GPC5: variants seen among roughly 807,000 people sequenced by gnomAD.
GPC5 encodes the protein glypican 5.
GPC5 carries 47 observed loss-of-function variants against 53.9 expected under a neutral mutation model. That is an observed-to-expected ratio of 0.87 (90% CI 0.69 to 1.11). The LOEUF (loss-of-function observed/expected upper bound fraction) is 1.11, where lower values mean the gene tolerates loss of function less well. Ranked by LOEUF, GPC5 falls within the 50% of genes most tolerant of loss-of-function variation. The pLI is 0.00. For synonymous variants in GPC5, 286 were observed against 263.3 expected (o/e 1.09, Z -0.84); for missense variants, 748 against 713.1 (o/e 1.05, Z -0.56).
intron 3 of GPC5, among the ~76,000 whole-genome samples, chr13:91,700,782 A>G (rs559488675): frequency 6.6e-6 from 1 of 152,348 alleles, no homozygotes; most frequent in South Asian, 2.1e-4. Context: ...ATTACGTGTC[A>G]AATGTGCATT....
intron 7 of GPC5, chr13:92,240,434 C>G (rs1285088708): frequency 6.6e-6 from 1 of 152,072 alleles, no homozygotes; most frequent in African/African-American, 2.4e-5. Flanking sequence ...TATCTCTACT[C>G]ATCACAGTTA....
intron 4 of GPC5, among the ~76,000 whole-genome samples, chr13:91,741,918 G>A (rs537032839): frequency 6.6e-6 from 1 of 152,264 alleles, no homozygotes; most frequent in African/African-American, 2.4e-5. Context: ...CCTCGTAAGT[G>A]AAAGTTAGTG....
chr13:92,073,038 TC>T (rs1294481683), intron 6 of GPC5, among the ~76,000 whole-genome samples: 1 of 106,702 alleles, frequency 9.4e-6, no homozygotes, highest in Non-Finnish European at 2.1e-5. Context: ...TAAACCTACC[TC>T]TTTTTCATGA....
chr13:92,406,920 GC>G (rs1220009176), intron 7 of GPC5, among the ~76,000 whole-genome samples: 2 of 152,022 alleles, frequency 1.3e-5, no homozygotes, highest in Admixed American at 6.6e-5. Context: ...CAATTTACTG[GC>G]CATTATTCAT....
chr13:91,936,307 G>C (rs1233319103), intron 6 of GPC5, among the ~76,000 whole-genome samples: 1 of 151,968 alleles, frequency 6.6e-6, no homozygotes, highest in African/African-American at 2.4e-5. Context: ...TCTTCATTCA[G>C]GTAGTGGGTA....
At chr13:92,589,661 A>G (rs1203120292) in intron 7 of GPC5, among the ~76,000 whole-genome samples, 1 of 152,198 alleles carries the variant, frequency 6.6e-6, no homozygotes, top group East Asian at 1.9e-4. Context: ...CAAATTCCAT[A>G]AACAGTTTCA....
intron 2 of GPC5, among the ~76,000 whole-genome samples, chr13:91,661,261 C>T (rs1010039690): frequency 2.6e-5 from 4 of 152,172 alleles, no homozygotes; most frequent in Non-Finnish European, 5.9e-5. Context: ...ACTTTGCTGG[C>T]TGTTGGAATG....
At chr13:91,644,773 C>T (rs1216215776) in intron 2 of GPC5, among the ~76,000 whole-genome samples, 1 of 152,088 alleles carries the variant, frequency 6.6e-6, no homozygotes, top group Non-Finnish European at 1.5e-5. Context: ...AAAAATAACA[C>T]CCAGTATACC....
chr13:91,882,670 G>GTTTTTTTTTTTTTTTTTTTTT, intron 5 of GPC5, among the ~76,000 whole-genome samples: 30 of 59,306 alleles, frequency 5.1e-4, no homozygotes, highest in Admixed American at 6.2e-4. Context: ...TGTTTTTTGG[G>GTTTTTTTTTTTTTTTTTTTTT]TTTTTTTTTT....
chr13:92,166,952 T>TCACA (rs1414492988), intron 7 of GPC5, among the ~76,000 whole-genome samples: 38 of 63,250 alleles, frequency 6.0e-4, no homozygotes, highest in African/African-American at 1.3e-3. Flanking sequence ...TCTCTCTCTC[T>TCACA]CTCTCACACA....
intron 7 of GPC5, among the ~76,000 whole-genome samples, chr13:92,795,338 A>C (rs1035628882): frequency 6.6e-5 from 10 of 152,180 alleles, no homozygotes; most frequent in African/African-American, 2.4e-4. Context: ...CATATGTAGA[A>C]AGCTGAAACT....
chr13:92,158,931 G>T (rs567613137), intron 7 of GPC5, among the ~76,000 whole-genome samples: 3 of 152,212 alleles, frequency 2.0e-5, no homozygotes, highest in African/African-American at 7.2e-5. Flanking sequence ...TATTCTGAAG[G>T]CACCCAGATG....
intron 7 of GPC5, among the ~76,000 whole-genome samples, chr13:92,585,695 C>A (rs61975861): frequency 0.19 from 28,692 of 152,000 alleles, 2,827 homozygotes; most frequent in Admixed American, 0.2. Context: ...GTGTCCCCAT[C>A]CAAATTTCAT....
intron 5 of GPC5, among the ~76,000 whole-genome samples, chr13:91,822,559 G>A (rs925676350): frequency 1.3e-5 from 2 of 152,026 alleles, no homozygotes; most frequent in African/African-American, 4.8e-5. Context: ...ACTTGTGCAG[G>A]GGAACTGCCC....
chr13:91,870,270 GGTTT>G (rs1418604834), intron 5 of GPC5, among the ~76,000 whole-genome samples: 1 of 152,136 alleles, frequency 6.6e-6, no homozygotes, highest in African/African-American at 2.4e-5. Context: ...ACAAGAGAAT[GGTTT>G]GTTAGAAAAG....
intron 6 of GPC5, among the ~76,000 whole-genome samples, chr13:91,934,665 G>A (rs917533363): frequency 2.0e-5 from 3 of 151,816 alleles, no homozygotes; most frequent in Non-Finnish European, 2.9e-5. Context: ...CATGAACAGC[G>A]TCCCAGAAAT....
At chr13:91,726,006 A>G (rs1162626704) in intron 3 of GPC5, among the ~76,000 whole-genome samples, 1 of 152,212 alleles carries the variant, frequency 6.6e-6, no homozygotes, top group Non-Finnish European at 1.5e-5. Context: ...ACTTAAAACC[A>G]CTGTCAACTT....
rs578036810 is a variant in GPC5, at chr13:92,708,414, A to C, written c.1562-157868A>C. ...ACCCTCTTACTGCCTCAAATAGAGT[A>C]ACAACTGTACTAGGGTGCTTAAAAT... On this transcript the variant is annotated intron_variant, in intron 7 of 7. Transcript: ENST00000377067. 3.3e-5 allele frequency among the ~76,000 whole-genome samples: 5 copies of C among 152,284 alleles called. No individual in the cohort carries two copies. The South Asian group carries it at 1.0e-3, about 32-fold the overall frequency.
At chr13:92,337,002 G>A (rs1594109774) in intron 7 of GPC5, among the ~76,000 whole-genome samples, 2 of 152,062 alleles carry the variant, frequency 1.3e-5, no homozygotes, top group East Asian at 3.9e-4. Flanking sequence ...GAACAGCATG[G>A]GAAAAACCTA....
Sources: gnomAD v4.1 joint callset for allele counts (sites outside exome capture counted in the v4.1 genomes callset) on GRCh38, gnomAD v4.1.1 for gene constraint, MANE v1.5 for transcripts, NCBI Gene and HGNC (gene_info 2026-07-23, HGNC 2026-07-21) for gene names.